Variants in PDGFD observed in about 807,000 individuals in gnomAD.
PDGFD encodes platelet derived growth factor D, also known as platelet-derived growth factor D.
Under a neutral mutation model 44.7 loss-of-function variants are expected in PDGFD, and 30 were observed. The observed-to-expected ratio is 0.67, with a 90% CI of 0.50 to 0.91. The LOEUF (loss-of-function observed/expected upper bound fraction) is 0.91, where lower values mean the gene tolerates loss of function less well. Ranked by LOEUF, PDGFD falls within the 40% of genes least tolerant of loss-of-function variation. PDGFD has a pLI of 0.00. For missense variants in PDGFD, 445 were observed against 457.8 expected, an observed-to-expected ratio of 0.97 and a Z score of 0.25; for synonymous variants, 173 against 168.4, an observed-to-expected ratio of 1.03 and a Z score of -0.21.
At position 104,078,119 on chromosome 11, in the gene PDGFD, TCA is replaced by T. The variant is rs150488321; in HGVS notation, c.125-77866_125-77865del. On this transcript the variant is annotated intron_variant, in intron 1 of 6. Transcript: ENST00000393158. ...CCATTGTCTCTCAAATGCCTCATTC[TCA>T]GTGTCCTCTATTGACCACAGGTCTG... Among the ~76,000 whole-genome samples, 840 of 152,332 alleles carry T rather than the reference TCA, an allele frequency of 5.5e-3. 4 individuals carry two copies. Among genetic ancestry groups the T allele is most frequent in the African/African-American group, 0.019 (783 of 41,572 alleles).
intron 3 of PDGFD, among the ~76,000 whole-genome samples, chr11:103,975,163 A>G (rs1415406377): frequency 1.3e-5 from 2 of 152,072 alleles, no homozygotes; most frequent in Non-Finnish European, 2.9e-5. Flanking sequence ...ATGTTTCCTG[A>G]CTTTTTAGCA....
chr11:103,980,124 G>A (rs1446346893), intron 3 of PDGFD, among the ~76,000 whole-genome samples: 1 of 151,898 alleles, frequency 6.6e-6, no homozygotes, highest in East Asian at 1.9e-4. Context: ...TTTTTTATCT[G>A]TTACAGAGAT....
At chr11:103,987,245 G>A (rs892672586) in intron 3 of PDGFD, among the ~76,000 whole-genome samples, 20 of 152,124 alleles carry the variant, frequency 1.3e-4, no homozygotes, top group African/African-American at 4.8e-4. Flanking sequence ...CAGCGGGTAA[G>A]GTGAACCCGT....
chr11:104,042,649 G>A (rs1162296721), intron 1 of PDGFD, among the ~76,000 whole-genome samples: 1 of 152,136 alleles, frequency 6.6e-6, no homozygotes, highest in Non-Finnish European at 1.5e-5. Context: ...TATGCTTCAC[G>A]CAGGGGTATT....
intron 6 of PDGFD, among the ~76,000 whole-genome samples, chr11:103,920,904 C>T (rs1416030796): frequency 6.6e-6 from 1 of 152,142 alleles, no homozygotes; most frequent in African/African-American, 2.4e-5. Context: ...TACACAATTT[C>T]ATTAAGATTT....
intron 1 of PDGFD, among the ~76,000 whole-genome samples, chr11:104,031,028 G>A (rs1418623873): frequency 3.9e-5 from 6 of 152,006 alleles, no homozygotes; most frequent in Non-Finnish European, 7.4e-5. Context: ...TACGCAAAAC[G>A]ATCAAAACCC....
chr11:104,011,182 A>T (rs1859780930), intron 1 of PDGFD, among the ~76,000 whole-genome samples: 1 of 151,836 alleles, frequency 6.6e-6, no homozygotes, highest in Non-Finnish European at 1.5e-5. Context: ...TGATCGTAAA[A>T]TATCCTAATG....
At chr11:103,955,343 T>C (rs888680672) in intron 3 of PDGFD, among the ~76,000 whole-genome samples, 11 of 152,126 alleles carry the variant, frequency 7.2e-5, no homozygotes, top group Non-Finnish European at 1.5e-4. Context: ...TGTCCTGGGA[T>C]TACTCTACAG....
intron 2 of PDGFD, 56 bp downstream of exon 2, chr11:103,999,995 A>G: frequency 1.4e-6 from 2 of 1,444,480 alleles, no homozygotes; most frequent in Admixed American, 3.4e-5. Context: ...CTTTAAATTC[A>G]TCTTTTTCTT....
chr11:104,037,986 C>A, intron 1 of PDGFD: 1 of 1,613,624 alleles, frequency 6.2e-7, no homozygotes, highest in South Asian at 1.1e-5. Context: ...CACATTCAGT[C>A]ATGGATTCAG....
intron 1 of PDGFD, among the ~76,000 whole-genome samples, chr11:104,053,261 G>A (rs1429927532): frequency 6.6e-6 from 1 of 152,130 alleles, no homozygotes; most frequent in East Asian, 1.9e-4. Flanking sequence ...CTTTTACAAT[G>A]TATAAATTTT....
chr11:104,019,134 G>A (rs1325479484), intron 1 of PDGFD, among the ~76,000 whole-genome samples: 1 of 152,164 alleles, frequency 6.6e-6, no homozygotes, highest in East Asian at 1.9e-4. Flanking sequence ...TGTATTATAT[G>A]TGTGGATTTT....
intron 1 of PDGFD, among the ~76,000 whole-genome samples, chr11:104,163,150 C>A (rs1371584972): frequency 6.6e-6 from 1 of 152,052 alleles, no homozygotes; most frequent in East Asian, 1.9e-4. Flanking sequence ...AGCCTGGTGC[C>A]CCTGTGGTAC....
chr11:104,035,561 CTTTTTTTT>C (rs3050598), intron 1 of PDGFD, among the ~76,000 whole-genome samples: 20 of 115,272 alleles, frequency 1.7e-4, no homozygotes, highest in South Asian at 1.2e-3. Flanking sequence ...ACTTCTTTTT[CTTTTTTTT>C]TTTTTTTTTT....
chr11:104,097,437 C>T (rs1007500190), intron 1 of PDGFD, among the ~76,000 whole-genome samples: 37 of 152,166 alleles, frequency 2.4e-4, no homozygotes, highest in African/African-American at 8.2e-4. Context: ...TTCCTCTGTT[C>T]TTAAAGTTCA....
chr11:103,991,620 A>G (rs1859454257), intron 3 of PDGFD, among the ~76,000 whole-genome samples: 1 of 152,160 alleles, frequency 6.6e-6, no homozygotes, highest in Non-Finnish European at 1.5e-5. Context: ...TTGACTTTTT[A>G]TTTTTGAATT....
At chr11:104,108,815 C>T (rs1432719084) in intron 1 of PDGFD, among the ~76,000 whole-genome samples, 3 of 151,928 alleles carry the variant, frequency 2.0e-5, no homozygotes, top group South Asian at 2.1e-4. Context: ...TGTCCATCGA[C>T]GATAGACTGG....
intron 1 of PDGFD, among the ~76,000 whole-genome samples, chr11:104,086,247 G>A (rs952499349): frequency 6.6e-6 from 1 of 152,088 alleles, no homozygotes; most frequent in Admixed American, 6.6e-5. Context: ...AGATGAGAAG[G>A]AAAGAGGGAA....
At chr11:103,958,675 C>T (rs1385370047) in intron 3 of PDGFD, among the ~76,000 whole-genome samples, 2 of 152,096 alleles carry the variant, frequency 1.3e-5, no homozygotes, top group African/African-American at 4.8e-5. Context: ...CTGTTTCATG[C>T]TCAGAATTCA....
Sources: gnomAD v4.1 joint callset for allele counts (sites outside exome capture counted in the v4.1 genomes callset) on GRCh38, gnomAD v4.1.1 for gene constraint, MANE v1.5 for transcripts, NCBI Gene and HGNC (gene_info 2026-07-23, HGNC 2026-07-21) for gene names.